The following RYR3 variants were observed in gnomAD, a reference collection of about 807,000 sequenced individuals.
The protein encoded by RYR3 is brain ryanodine receptor-calcium release channel.
A neutral mutation model predicts 584.3 loss-of-function variants in RYR3; 207 were observed. The ratio of observed to expected loss-of-function variants is 0.35; its 90% CI spans 0.32 to 0.40. The LOEUF is 0.40. RYR3 is among the 10% of genes least tolerant of loss of function. RYR3 has a pLI of 1.00. For missense variants in RYR3, 5,616 were observed against 6,089.2 expected, an observed-to-expected ratio of 0.92 and a Z score of 2.59; for synonymous variants, 2,416 against 2,248.5, an observed-to-expected ratio of 1.07 and a Z score of -2.11.
Position 33,705,536 on chromosome 15 carries a change from G to A in RYR3, c.6484-1383G>A, listed in dbSNP as rs143758339. Among the ~76,000 whole-genome samples, 341 of 152,316 alleles carry A rather than the reference G, an allele frequency of 2.2e-3. 1 individual carries two copies. Among genetic ancestry groups the A allele is most frequent in the African/African-American group, 8.0e-3 (331 of 41,568 alleles). On this transcript the variant is annotated intron_variant, in intron 42 of 103. Transcript: ENST00000634891. ...AGATATCAAAGGTGAAATTAGAATA[G>A]CAACTGCGTTTTAATCAAAGGTATA...
Position 33,650,873 on chromosome 15 carries a change from T to C in RYR3, c.4142+1638T>C, listed in dbSNP as rs75016795. ...TCAGCTGTATAATTATTATTCCCAT[T>C]ATTGAATGTCCATCATTGAGAGAGC... On this transcript the variant is annotated intron_variant, in intron 31 of 103. Transcript: ENST00000634891. Among the ~76,000 whole-genome samples, 611 of 152,326 alleles carry C rather than the reference T, an allele frequency of 4.0e-3. 6 individuals are homozygous for C. Among genetic ancestry groups the C allele is most frequent in the African/African-American group, 0.014 (578 of 41,584 alleles).
intron 1 of RYR3, among the ~76,000 whole-genome samples, chr15:33,456,651 A>C (rs1243884173): frequency 2.6e-5 from 4 of 152,150 alleles, no homozygotes; most frequent in African/African-American, 9.7e-5. Flanking sequence ...ACATTTGCAC[A>C]AAAGAACTTG....
intron 1 of RYR3, among the ~76,000 whole-genome samples, chr15:33,401,077 G>A (rs1245057089): frequency 1.3e-5 from 2 of 152,182 alleles, no homozygotes; most frequent in Non-Finnish European, 1.5e-5. Flanking sequence ...GGCCAAATAT[G>A]AGCGAATGCC....
chr15:33,645,309 G>T (rs182576800), intron 28 of RYR3, among the ~76,000 whole-genome samples: 3 of 152,186 alleles, frequency 2.0e-5, no homozygotes, highest in Admixed American at 6.5e-5. Flanking sequence ...GTTTTTCCAT[G>T]GTGGATAGGG....
At chr15:33,470,206 C>A (rs908551633) in intron 1 of RYR3, among the ~76,000 whole-genome samples, 1 of 152,186 alleles carries the variant, frequency 6.6e-6, no homozygotes. Flanking sequence ...AGTGTCCCCC[C>A]AGCCCCCACC....
chr15:33,648,992 T>A, intron 30 of RYR3, 80 bp from the exon 31 acceptor site: 1 of 1,413,950 alleles, frequency 7.1e-7, no homozygotes, highest in Admixed American at 1.9e-5. Context: ...GCTGCTGTGT[T>A]ATTTCTGCCT....
At position 33,644,384 on chromosome 15, in the gene RYR3, C is replaced by A; in HGVS notation, c.3630C>A (p.Phe1210Leu). 1 of 1,613,474 alleles carries A rather than the reference C, an allele frequency of 6.2e-7. No individual in the cohort carries two copies. Among genetic ancestry groups the A allele is most frequent in the Non-Finnish European group, 8.5e-7 (1 of 1,179,712 alleles). The stretch of plus-strand genomic sequence containing the variant: ...ATCTCGGGACAGATGCCAGTACCTT[C>A]AAGTTTTATACCATGTGCGGTCTCC... ...RMNLGTDAST[F>L]KFYTMCGLQE... Residue 1210 changes from phenylalanine to leucine, a missense_variant, in exon 28 of 104, where the codon TTC (phenylalanine) becomes TTA (leucine). By Grantham distance (22) the Phe-to-Leu change is conservative. Transcript: ENST00000634891.
intron 73 of RYR3, 92 bp downstream of exon 73, chr15:33,813,086 C>A (rs1264916825): frequency 6.7e-7 from 1 of 1,488,282 alleles, no homozygotes; most frequent in African/African-American, 1.4e-5. Context: ...GTACAAGTGC[C>A]CTCATAAGAC....
rs1424186437 is a variant in RYR3 at position 33,660,208 on chromosome 15, C to A, written c.4407C>A (p.Pro1469=). 6.4e-7 allele frequency: 1 copy of A among 1,551,714 alleles called. No homozygotes were observed. The highest frequency in any genetic ancestry group is 1.2e-5 in the South Asian group (1 of 84,042). The change falls in exon 34 of 104, where the codon CCC becomes CCA. Residue 1469 remains proline (P), a synonymous_variant. Transcript: ENST00000634891. ...FELGKLKNAM[P]LSAAIFRSEE... is the part of the protein sequence containing the mutation. ...CCCACGTGCCCCAGAACGCAATGCC[C>A]CTGTCAGCGGCCATATTCAGGAGTG...
intron 1 of RYR3, among the ~76,000 whole-genome samples, chr15:33,339,357 C>CT (rs556563077): frequency 8.9e-4 from 135 of 152,296 alleles, no homozygotes; most frequent in African/African-American, 3.1e-3. Flanking sequence ...GGATGAAAGA[C>CT]TAAGGCCAGT....
chr15:33,773,047 G>C (rs969891314), intron 63 of RYR3, among the ~76,000 whole-genome samples: 15 of 152,174 alleles, frequency 9.9e-5, no homozygotes, highest in African/African-American at 3.6e-4. Flanking sequence ...CAGAGAACCT[G>C]GGATAGGCAG....
chr15:33,590,362 G>C (rs953247815), intron 16 of RYR3, among the ~76,000 whole-genome samples: 2 of 152,138 alleles, frequency 1.3e-5, no homozygotes, highest in Non-Finnish European at 2.9e-5. Flanking sequence ...TGTTATTTTT[G>C]CTCAGGATTG....
chr15:33,631,316 G>A (rs769282365), intron 23 of RYR3, 23 bp downstream of exon 23: 3 of 1,460,376 alleles, frequency 2.1e-6, no homozygotes, highest in Non-Finnish European at 1.9e-6. Context: ...TTTTTTAATG[G>A]TTCAAGACTT....
chr15:33,857,936 G>A (rs772377160), intron 99 of RYR3, 22 bp downstream of exon 99: 2 of 1,379,264 alleles, frequency 1.5e-6, no homozygotes, highest in African/African-American at 3.6e-5. Context: ...CCCACTGCGG[G>A]GCCAGCCCAC....
chr15:33,370,217 CA>C (rs992614437), intron 1 of RYR3, among the ~76,000 whole-genome samples: 1 of 151,996 alleles, frequency 6.6e-6, no homozygotes, highest in African/African-American at 2.4e-5. Context: ...AGATGCTTTC[CA>C]AAAAAGGCTA....
intron 10 of RYR3, among the ~76,000 whole-genome samples, chr15:33,558,244 C>G (rs1377968007): frequency 1.3e-5 from 2 of 151,838 alleles, no homozygotes; most frequent in Non-Finnish European, 1.5e-5. Context: ...TATCCCTCCC[C>G]CATCCCCCCA....
At chr15:33,515,617 T>C (rs1205924161) in intron 3 of RYR3, among the ~76,000 whole-genome samples, 1 of 152,212 alleles carries the variant, frequency 6.6e-6, no homozygotes, top group Non-Finnish European at 1.5e-5. Context: ...ATTTATTGCA[T>C]TTGCAGTTTC....
chr15:33,539,624 CT>C (rs1439905271), intron 6 of RYR3, among the ~76,000 whole-genome samples, 162 bp downstream of exon 6: 4 of 152,074 alleles, frequency 2.6e-5, no homozygotes, highest in African/African-American at 9.7e-5. Context: ...TGCTGACCCC[CT>C]GGCACAATAA....
intron 19 of RYR3, among the ~76,000 whole-genome samples, chr15:33,621,748 C>T (rs2060736491): frequency 6.6e-6 from 1 of 152,026 alleles, no homozygotes; most frequent in Non-Finnish European, 1.5e-5. Flanking sequence ...AGTGTCTGCT[C>T]TTATTGGGAA....
Sources: gnomAD v4.1 joint callset for allele counts (sites outside exome capture counted in the v4.1 genomes callset) on GRCh38, gnomAD v4.1.1 for gene constraint, MANE v1.5 for transcripts, NCBI Gene and HGNC (gene_info 2026-07-23, HGNC 2026-07-21) for gene names.